Variants in DTNA observed in about 807,000 individuals in gnomAD.
The protein encoded by DTNA is dystrophin-related protein 3.
DTNA carries 43 observed loss-of-function variants against 100.7 expected under a neutral mutation model. The ratio of observed to expected loss-of-function variants is 0.43; its 90% CI spans 0.33 to 0.55. DTNA has a LOEUF of 0.55. Ranked by LOEUF, DTNA falls within the 20% of genes least tolerant of loss-of-function variation. DTNA has a pLI of 0.04. For synonymous variants in DTNA, 349 were observed against 347.9 expected (o/e 1.00, Z -0.04); for missense variants, 798 against 953.9 (o/e 0.84, Z 2.15).
At chr18:34,587,113 C>T (rs1021610040) in intron 1 of DTNA, among the ~76,000 whole-genome samples, 1 of 151,886 alleles carries the variant, frequency 6.6e-6, no homozygotes, top group African/African-American at 2.4e-5. Flanking sequence ...GAGCTACTTG[C>T]TGGGACCACA....
At position 34,827,587 on chromosome 18, in the gene DTNA, T is replaced by C. The variant is rs200208281; in HGVS notation, c.1002-6T>C. 97 of 1,613,818 alleles carry C rather than the reference T, an allele frequency of 6.0e-5. No homozygotes were observed. Among genetic ancestry groups the C allele is most frequent in the Non-Finnish European group, 1.4e-5 (17 of 1,179,718 alleles). ...AACTTTCCATTCACCCTGTGTTTTG[T>C]TTTAGGCCTCCCAGACCTGTAACCA... On this transcript the variant is annotated splice_polypyrimidine_tract_variant and splice_region_variant and intron_variant, in intron 9 of 22. Transcript: ENST00000444659.
intron 1 of DTNA, chr18:34,513,691 A>T (rs1241426670): frequency 1.3e-5 from 2 of 152,148 alleles, no homozygotes; most frequent in African/African-American, 4.8e-5. Context: ...GGGAGGTGCA[A>T]TTAAGAAACA....
intron 1 of DTNA, among the ~76,000 whole-genome samples, chr18:34,565,549 C>G (rs1388349984): frequency 2.0e-5 from 3 of 152,238 alleles, no homozygotes; most frequent in Admixed American, 2.0e-4. Context: ...ACACCTTCCT[C>G]TGCAGGCTAA....
At chr18:34,547,683 G>A (rs952076586) in intron 1 of DTNA, among the ~76,000 whole-genome samples, 1 of 152,098 alleles carries the variant, frequency 6.6e-6, no homozygotes, top group African/African-American at 2.4e-5. Context: ...GAACAAACCT[G>A]TTTACATAAA....
intron 1 of DTNA, among the ~76,000 whole-genome samples, chr18:34,624,416 C>T (rs2057017598): frequency 6.6e-6 from 1 of 152,016 alleles, no homozygotes; most frequent in Admixed American, 6.6e-5. Context: ...AGCAACTGCC[C>T]CTTAAGTAAA....
rs4627441 is a variant in DTNA at position 34,805,213 on chromosome 18, A to G, written c.363-1006A>G. ...ATTTAGCTGAAACATTATACTTTTTATCATATCCCCTTTATATCACATTTG... is the reference window on the plus strand; with the variant it reads ...ATTTAGCTGAAACATTATACTTTTTGTCATATCCCCTTTATATCACATTTG... On this transcript the variant is annotated intron_variant, in intron 4 of 22. Coordinates refer to ENST00000444659, the MANE Select transcript of DTNA (RefSeq NM_001386795.1). Among the ~76,000 whole-genome samples, 6 of 152,348 alleles carry G rather than the reference A, an allele frequency of 3.9e-5. No individual in the cohort carries two copies. The East Asian group carries it at 5.8e-4, about 15-fold the overall frequency.
At chr18:34,813,337 T>C (rs1215449993) in intron 6 of DTNA, among the ~76,000 whole-genome samples, 1 of 151,310 alleles carries the variant, frequency 6.6e-6, no homozygotes, top group African/African-American at 2.4e-5. Flanking sequence ...GGCATGGTGG[T>C]ACATGCTTGT....
At chr18:34,744,144 A>G (rs2091191000) in intron 1 of DTNA, among the ~76,000 whole-genome samples, 1 of 152,212 alleles carries the variant, frequency 6.6e-6, no homozygotes, top group African/African-American at 2.4e-5. Flanking sequence ...TGCTTTATTA[A>G]TGACATAAAA....
chr18:34,851,935 CT>C lies in DTNA; in HGVS notation c.1532+10del, dbSNP rs1193718185. On this transcript the variant is annotated splice_region_variant and intron_variant, in intron 15 of 22. Transcript: ENST00000444659. ...AGCTAGAAAACAAGAACAGGTGAGA[CT>C]TTGTAGACGTGCTGGCTTGTTTGAT... 3.7e-6 allele frequency: 6 copies of C among 1,613,448 alleles called. No homozygotes were observed. The East Asian group carries it at 6.7e-5, about 18-fold the overall frequency.
At chr18:34,495,286 C>A (rs577046237) in intron 1 of DTNA, among the ~76,000 whole-genome samples, 14 of 152,192 alleles carry the variant, frequency 9.2e-5, no homozygotes, top group African/African-American at 2.4e-4. Flanking sequence ...TGGCAAATAA[C>A]GTTTGAGTAG....
At chr18:34,878,217 ATCCTCCTGCCTCGGCC>A (rs2096837905) in intron 19 of DTNA, among the ~76,000 whole-genome samples, 1 of 152,000 alleles carries the variant, frequency 6.6e-6, no homozygotes, top group Non-Finnish European at 1.5e-5. Flanking sequence ...GCCTCAAGTG[ATCCTCCTGCCTCGGCC>A]TCCCAAAGTG....
intron 1 of DTNA, chr18:34,494,123 G>A (rs1295890541): frequency 6.6e-6 from 1 of 151,872 alleles, no homozygotes; most frequent in African/African-American, 2.4e-5. Context: ...CCTTCGCGTC[G>A]CGGGTTGAGT....
intron 1 of DTNA, among the ~76,000 whole-genome samples, chr18:34,698,281 G>A (rs2080876932): frequency 6.6e-6 from 1 of 152,218 alleles, no homozygotes; most frequent in African/African-American, 2.4e-5. Flanking sequence ...ACAAAGCTTA[G>A]TGGCTTCAAA....
intron 1 of DTNA, among the ~76,000 whole-genome samples, chr18:34,536,389 G>A (rs1226129954): frequency 6.6e-6 from 1 of 151,836 alleles, no homozygotes; most frequent in East Asian, 1.9e-4. Context: ...TTTATTAGAT[G>A]ATGAGCGTTC....
At chr18:34,776,229 G>A (rs780953058) in intron 3 of DTNA, among the ~76,000 whole-genome samples, 1 of 152,204 alleles carries the variant, frequency 6.6e-6, no homozygotes, top group Non-Finnish European at 1.5e-5. Flanking sequence ...TGGACAAGGA[G>A]CAGGATAACA....
intron 1 of DTNA, among the ~76,000 whole-genome samples, chr18:34,651,574 C>G (rs2060448357): frequency 6.6e-6 from 1 of 152,128 alleles, no homozygotes; most frequent in Admixed American, 6.5e-5. Flanking sequence ...ATATTCCAGG[C>G]ATTGAGCTAT....
At chr18:34,740,125 C>T (rs1229690941) in intron 1 of DTNA, among the ~76,000 whole-genome samples, 1 of 152,122 alleles carries the variant, frequency 6.6e-6, no homozygotes, top group Non-Finnish European at 1.5e-5. Context: ...ATCCCTTTCG[C>T]CACCTTTTGC....
At chr18:34,821,420 G>C in intron 9 of DTNA, 2 of 456,326 alleles carry the variant, frequency 4.4e-6, no homozygotes, top group South Asian at 1.5e-5. Flanking sequence ...AGGTTGAAGA[G>C]GGGGAGTGGC....
intron 1 of DTNA, among the ~76,000 whole-genome samples, chr18:34,713,273 G>GGGTA (rs1489411755): frequency 3.3e-5 from 5 of 152,010 alleles, no homozygotes; most frequent in African/African-American, 9.7e-5. Flanking sequence ...AATTACTAAT[G>GGGTA]GGTAGTATGA....
Sources: allele counts gnomAD v4.1 joint callset (sites outside exome capture counted in the v4.1 genomes callset), GRCh38; gene constraint gnomAD v4.1.1; transcripts MANE v1.5; gene names NCBI Gene and HGNC (gene_info 2026-07-23, HGNC 2026-07-21).